LRRC7: variants seen among roughly 807,000 people sequenced by gnomAD.
LRRC7 encodes the protein leucine-rich repeat-containing protein 7.
In LRRC7, 23 loss-of-function variants were observed where a neutral mutation model predicts 175.7. The ratio of observed to expected loss-of-function variants is 0.13; its 90% CI spans 0.09 to 0.19. The LOEUF (loss-of-function observed/expected upper bound fraction) is 0.19. Among genes scored for constraint, LRRC7 ranks in the 10% least tolerant of loss-of-function variants. The probability of loss-of-function intolerance (pLI) is 1.00; values close to 1 mark genes in which losing one functional copy is unlikely to be tolerated. For missense variants in LRRC7, 1,354 were observed against 1,904.7 expected (o/e 0.71, Z 5.38); for synonymous variants, 685 against 680.9 (o/e 1.01, Z -0.09).
At chr1:69,940,857 T>C (rs1202037473) in intron 8 of LRRC7, among the ~76,000 whole-genome samples, 1 of 152,062 alleles carries the variant, frequency 6.6e-6, no homozygotes, top group East Asian at 1.9e-4. Context: ...AAAATCGAAT[T>C]AATAGAAAAC....
chr1:69,622,516 A>C (rs888111146), intron 1 of LRRC7, among the ~76,000 whole-genome samples: 38 of 152,188 alleles, frequency 2.5e-4, no homozygotes, highest in African/African-American at 9.2e-4. Context: ...CTAAAACTGG[A>C]ATAAGACATC....
At chr1:69,746,020 G>T (rs534830207) in intron 2 of LRRC7, among the ~76,000 whole-genome samples, 1 of 151,542 alleles carries the variant, frequency 6.6e-6, no homozygotes, top group East Asian at 1.9e-4. Flanking sequence ...CTGTGCCAGT[G>T]TACAAATACT....
intron 24 of LRRC7, among the ~76,000 whole-genome samples, chr1:70,080,473 T>G (rs1193729085): frequency 6.6e-6 from 1 of 152,148 alleles, no homozygotes; most frequent in African/African-American, 2.4e-5. Flanking sequence ...AAACTACCCA[T>G]CACAATAAAA....
chr1:69,836,279 G>A (rs1383348627), intron 6 of LRRC7, among the ~76,000 whole-genome samples: 3 of 151,942 alleles, frequency 2.0e-5, no homozygotes, highest in African/African-American at 7.2e-5. Flanking sequence ...ATATACTTGA[G>A]CAGTTTTAAA....
chr1:69,827,350 T>C (rs1391164189), intron 5 of LRRC7, among the ~76,000 whole-genome samples: 1 of 152,152 alleles, frequency 6.6e-6, no homozygotes, highest in Non-Finnish European at 1.5e-5. Flanking sequence ...TTGAGAAATT[T>C]CAAGTCTATG....
At chr1:69,605,488 G>T (rs1181454679) in intron 1 of LRRC7, among the ~76,000 whole-genome samples, 2 of 152,178 alleles carry the variant, frequency 1.3e-5, no homozygotes, top group East Asian at 3.8e-4. Context: ...CTTGCTTTGT[G>T]CAGGGCACTT....
intron 7 of LRRC7, among the ~76,000 whole-genome samples, chr1:69,909,735 G>A (rs546171711): frequency 6.6e-6 from 1 of 151,958 alleles, no homozygotes; most frequent in South Asian, 2.1e-4. Flanking sequence ...TGGTGAACTT[G>A]ACAATTATGT....
chr1:70,014,207 T>C (rs1656774414), intron 13 of LRRC7: 1 of 152,002 alleles, frequency 6.6e-6, no homozygotes, highest in Admixed American at 6.6e-5. Flanking sequence ...TTTTTTAAAA[T>C]CTCTAATTAT....
At chr1:70,059,528 A>G (rs1661417235) in intron 23 of LRRC7, among the ~76,000 whole-genome samples, 1 of 143,002 alleles carries the variant, frequency 7.0e-6, no homozygotes, top group African/African-American at 2.7e-5. Context: ...GTCATTTTCA[A>G]GTTCTTATTA....
At chr1:69,908,424 A>G (rs1011305594) in intron 7 of LRRC7, among the ~76,000 whole-genome samples, 9 of 151,826 alleles carry the variant, frequency 5.9e-5, no homozygotes, top group Admixed American at 3.3e-4. Context: ...CCCTCTACAC[A>G]CTGCTTTGAA....
At chr1:69,604,044 T>C (rs1647202488) in intron 1 of LRRC7, among the ~76,000 whole-genome samples, 1 of 152,162 alleles carries the variant, frequency 6.6e-6, no homozygotes, top group Non-Finnish European at 1.5e-5. Flanking sequence ...TGCTTTTTTT[T>C]ACCTTATCAA....
At chr1:69,737,622 T>A (rs1668265215) in intron 2 of LRRC7, among the ~76,000 whole-genome samples, 1 of 152,040 alleles carries the variant, frequency 6.6e-6, no homozygotes, top group Non-Finnish European at 1.5e-5. Context: ...CCTGTCCAAT[T>A]CCCTGCTTTC....
intron 7 of LRRC7, chr1:69,919,907 A>T: frequency 3.0e-6 from 2 of 660,656 alleles, no homozygotes; most frequent in South Asian, 3.2e-5. Flanking sequence ...CGAACCCCCC[A>T]CTCCCTGCCA....
intron 11 of LRRC7, among the ~76,000 whole-genome samples, chr1:70,010,609 C>T (rs779063989): frequency 6.6e-6 from 1 of 152,114 alleles, no homozygotes; most frequent in Non-Finnish European, 1.5e-5. Flanking sequence ...CCTTACTCCA[C>T]CTAACTCAAA....
At chr1:69,907,186 T>C (rs1364380510) in intron 7 of LRRC7, among the ~76,000 whole-genome samples, 3 of 152,212 alleles carry the variant, frequency 2.0e-5, no homozygotes, top group Non-Finnish European at 4.4e-5. Context: ...TTTCTAAATA[T>C]ACAATCATGT....
At chr1:69,951,317 G>A (rs894981788) in intron 8 of LRRC7, among the ~76,000 whole-genome samples, 3 of 150,502 alleles carry the variant, frequency 2.0e-5, no homozygotes, top group Admixed American at 2.0e-4. Flanking sequence ...CAGAAAAAAG[G>A]GAACACTTAT....
At chr1:69,931,077 G>A (rs1414254235) in intron 7 of LRRC7, among the ~76,000 whole-genome samples, 1 of 152,160 alleles carries the variant, frequency 6.6e-6, no homozygotes, top group Non-Finnish European at 1.5e-5. Context: ...TGTAACAGAA[G>A]TTCATTTAAA....
At chr1:70,005,409 TTATC>T (rs752725284) in intron 11 of LRRC7, among the ~76,000 whole-genome samples, 4 of 152,186 alleles carry the variant, frequency 2.6e-5, no homozygotes, top group Admixed American at 1.3e-4. Flanking sequence ...AAATTATAAA[TTATC>T]TATGTAGTAT....
Position 69,841,693 on chromosome 1 carries a change from A to G in LRRC7, c.647+3410A>G, listed in dbSNP as rs75945305. Among the ~76,000 whole-genome samples, 1,355 of 152,250 alleles carry G rather than the reference A, an allele frequency of 8.9e-3. 24 individuals are homozygous for G. The highest frequency in any genetic ancestry group is 0.031 in the African/African-American group (1,284 of 41,548). ...TACTTGGAGATTATCTCCTCAAGAC[A>G]GTATGAGTGCCATTAATGAAAGATT... On this transcript the variant is annotated intron_variant, in intron 7 of 26. Transcript: ENST00000651989.
Sources: allele counts gnomAD v4.1 joint callset (sites outside exome capture counted in the v4.1 genomes callset), GRCh38; gene constraint gnomAD v4.1.1; transcripts MANE v1.5; gene names NCBI Gene and HGNC (gene_info 2026-07-23, HGNC 2026-07-21).